GALNT5: variants seen among roughly 807,000 people sequenced by gnomAD.
GALNT5 encodes UDP-GalNAc:polypeptide N-acetylgalactosaminyltransferase 5.
Under a neutral mutation model 85.4 loss-of-function variants are expected in GALNT5, and 72 were observed. That is an observed-to-expected ratio of 0.84 (90% CI 0.70 to 1.03). GALNT5 has a LOEUF of 1.03. Ranked by LOEUF, GALNT5 falls within the 50% of genes least tolerant of loss-of-function variation. The pLI, the probability that GALNT5 is intolerant of heterozygous loss-of-function variation, is 0.00. For synonymous variants in GALNT5, 404 were observed against 397.0 expected (o/e 1.02, Z -0.21); for missense variants, 1,137 against 1,135.5 (o/e 1.00, Z -0.02).
rs1354172480 is a variant in GALNT5, at chr2:157,258,367, G to T, written c.285G>T (p.Glu95Asp). The part of the protein sequence containing the change: ...AWGKENVRKT[E>D]ESVLKVEVDL... ...GCAAAGAGAATGTTAGAAAAACTGA[G>T]GAGAGTGTGCTCAAGGTTGAGGTGG... The change falls in exon 1 of 10, where the codon GAG becomes GAT. Residue 95 changes from glutamate (E) to aspartate (D), a missense_variant. By Grantham distance (45) the Glu-to-Asp change is conservative. Transcript: ENST00000259056. 2 of 1,609,418 alleles carry T rather than the reference G, an allele frequency of 1.2e-6. 1 individual carries two copies. Among genetic ancestry groups the T allele is most frequent in the Non-Finnish European group, 1.7e-6 (2 of 1,178,442 alleles).
intron 3 of GALNT5, 114 bp from the exon 4 acceptor site, chr2:157,295,549 G>T (rs1214127410): frequency 1.3e-5 from 9 of 708,820 alleles, no homozygotes; most frequent in Middle Eastern, 2.7e-4. Flanking sequence ...AAAAAAAAAG[G>T]TCACTGCATT....
At chr2:157,272,403 G>C (rs535433454) in intron 1 of GALNT5, among the ~76,000 whole-genome samples, 2 of 151,970 alleles carry the variant, frequency 1.3e-5, no homozygotes, top group African/African-American at 4.8e-5. Context: ...TTAGATTCAG[G>C]AAGTACATGT....
rs1292694926 is a variant in GALNT5, at chr2:157,317,198, A to ATATATTTTT, written c.*5851_*5852insATATTTTTT. Among the ~76,000 whole-genome samples the ATATATTTTT allele has an allele frequency of 3.0e-5, 4 of 132,982 alleles. No individual in the cohort carries two copies. In the East Asian group the frequency reaches 6.5e-4, roughly 22 times the overall value. The allele number at this position is 132,982 out of a possible 152,430, so 87.2% of individuals were successfully genotyped here. ...TGTATATATATATATATATATATAT[A>ATATATTTTT]TTTTTTTTTTTGATGCTTTGATCTG... On this transcript the variant is annotated 3_prime_UTR_variant, in exon 10 of 10. Coordinates refer to ENST00000259056, the MANE Select transcript of GALNT5 (RefSeq NM_014568.3).
intron 1 of GALNT5, among the ~76,000 whole-genome samples, chr2:157,263,647 C>T (rs1682397515): frequency 1.3e-5 from 2 of 152,304 alleles, no homozygotes; most frequent in South Asian, 2.1e-4. Flanking sequence ...CAGTGCTGTA[C>T]ATTCAGAAGC....
At chr2:157,294,266 T>A (rs1683161242) in intron 3 of GALNT5, among the ~76,000 whole-genome samples, 1 of 152,164 alleles carries the variant, frequency 6.6e-6, no homozygotes. Context: ...ATGTTCCATT[T>A]TTCCCCCTGG....
intron 1 of GALNT5, among the ~76,000 whole-genome samples, chr2:157,264,763 G>A (rs1003996637): frequency 6.6e-6 from 1 of 152,084 alleles, no homozygotes; most frequent in African/African-American, 2.4e-5. Flanking sequence ...GGAGGAGGGG[G>A]AGGAGACAGA....
intron 1 of GALNT5, 31 bp downstream of exon 1, chr2:157,259,567 C>A: frequency 7.6e-7 from 1 of 1,308,212 alleles, no homozygotes; most frequent in East Asian, 2.8e-5. Context: ...CTTTCCTCAA[C>A]CCCAAGTGCT....
At chr2:157,296,657 C>T in intron 5 of GALNT5, 144 bp downstream of exon 5, 1 of 645,592 alleles carries the variant, frequency 1.5e-6, no homozygotes, top group Admixed American at 2.9e-5. Context: ...AAAGCAAACA[C>T]AGTGTTCTTG....
At chr2:157,305,039 G>A (rs564042135) in intron 7 of GALNT5, among the ~76,000 whole-genome samples, 3 of 152,280 alleles carry the variant, frequency 2.0e-5, no homozygotes, top group Non-Finnish European at 4.4e-5. Flanking sequence ...AAGTTGCACT[G>A]TTAACCCATC....
chr2:157,314,368 C>T lies in GALNT5; in HGVS notation c.*3020C>T, dbSNP rs968670835. On this transcript the variant is annotated 3_prime_UTR_variant, in exon 10 of 10. Coordinates refer to ENST00000259056, the MANE Select transcript of GALNT5 (RefSeq NM_014568.3). ...TTTCTCCTTTTCAACAGTTACCCAG[C>T]GCTTCTGCCCTACTCTCTTGTAAGC... 6.6e-6 allele frequency among the ~76,000 whole-genome samples: 1 copy of T among 152,168 alleles called. No homozygotes were observed. Among genetic ancestry groups the T allele is most frequent in the Non-Finnish European group, 1.5e-5 (1 of 68,046 alleles).
At position 157,311,235 on chromosome 2, in the gene GALNT5, C is replaced by G; in HGVS notation, c.2710C>G (p.Gln904Glu). Residue 904 changes from glutamine to glutamate, a missense_variant, in exon 10 of 10, where the codon CAG becomes GAG. Coordinates refer to ENST00000259056, the MANE Select transcript of GALNT5 (RefSeq NM_014568.3). ...LVNHIVFENNQQLLCLEGNFS... is the reference protein window; with the variant it reads ...LVNHIVFENNEQLLCLEGNFS... ...GAATCACATTGTTTTTGAAAACAAT[C>G]AGCAATTATTATGCTTGGAAGGAAA... 1.9e-6 allele frequency: 3 copies of G among 1,609,862 alleles called. No individual in the cohort carries two copies. Among genetic ancestry groups the G allele is most frequent in the Non-Finnish European group, 2.5e-6 (3 of 1,177,020 alleles).
At chr2:157,290,084 AATGTATATATAT>A (rs1376053182) in intron 3 of GALNT5, among the ~76,000 whole-genome samples, 1 of 33,690 alleles carries the variant, frequency 3.0e-5, no homozygotes, top group African/African-American at 1.1e-4. Context: ...AAAAAAAAAA[AATGTATATATAT>A]ATATATATAT....
intron 7 of GALNT5, among the ~76,000 whole-genome samples, chr2:157,303,249 C>T (rs1249603295): frequency 6.6e-6 from 1 of 152,112 alleles, no homozygotes; most frequent in Non-Finnish European, 1.5e-5. Flanking sequence ...TTTCAACCTC[C>T]ACAAGCAGAA....
intron 2 of GALNT5, 63 bp from the exon 3 acceptor site, chr2:157,285,952 T>C: frequency 7.6e-7 from 1 of 1,312,422 alleles, no homozygotes; most frequent in East Asian, 2.4e-5. Flanking sequence ...TGGGGAGCAC[T>C]TCTGATACTA....
In GALNT5 at chr2:157,317,625, T is replaced by C. The variant is rs1683744839; in HGVS notation, c.*6277T>C. ...GATGTTGGAATTAAACATTTTTAAG[T>C]ACTTTTTCTTTTGCATCTGATCGAC... On this transcript the variant is annotated 3_prime_UTR_variant, in exon 10 of 10. Coordinates refer to ENST00000259056, the MANE Select transcript of GALNT5 (RefSeq NM_014568.3). Among the ~76,000 whole-genome samples the C allele has an allele frequency of 6.6e-6, 1 of 152,158 alleles. No homozygotes were observed. Among genetic ancestry groups the C allele is most frequent in the African/African-American group, 2.4e-5 (1 of 41,460 alleles).
At chr2:157,276,018 T>G (rs959800350) in intron 1 of GALNT5, among the ~76,000 whole-genome samples, 4 of 152,070 alleles carry the variant, frequency 2.6e-5, no homozygotes, top group Non-Finnish European at 5.9e-5. Context: ...TTATTGAGAG[T>G]TTTTAGCATG....
intron 9 of GALNT5, 119 bp from the exon 10 acceptor site, chr2:157,311,089 G>T (rs1019493487): frequency 3.8e-6 from 3 of 789,732 alleles, no homozygotes; most frequent in African/African-American, 3.5e-5. Context: ...TAGTTCAGAA[G>T]AATTCTTAAA....
intron 1 of GALNT5, among the ~76,000 whole-genome samples, chr2:157,275,189 T>C (rs1255820065): frequency 6.6e-6 from 1 of 152,196 alleles, no homozygotes; most frequent in African/African-American, 2.4e-5. Flanking sequence ...TTCGTCCATA[T>C]ATCTGTTTTG....
chr2:157,311,600 A>C lies in GALNT5; in HGVS notation c.*252A>C, dbSNP rs1683574396. The C allele has an allele frequency of 7.1e-6, 2 of 280,210 alleles. No homozygotes were observed. The highest frequency in any genetic ancestry group is 7.3e-5 in the East Asian group (1 of 13,648). 17.4% of individuals were successfully genotyped at this position (280,210 alleles called of 1,614,324 possible). On this transcript the variant is annotated 3_prime_UTR_variant, in exon 10 of 10. Transcript: ENST00000259056. ...TGCTTTCCACCCTATGCTAGACCTC[A>C]TCATGCAAATTTCCCTGTGAAAGCT... is the stretch of plus-strand genomic sequence containing the variant.
Sources: allele counts gnomAD v4.1 joint callset (sites outside exome capture counted in the v4.1 genomes callset), GRCh38; gene constraint gnomAD v4.1.1; transcripts MANE v1.5; gene names NCBI Gene and HGNC (gene_info 2026-07-23, HGNC 2026-07-21).